TACC2: variants seen among roughly 807,000 people sequenced by gnomAD.
TACC2 encodes transforming acidic coiled-coil-containing protein 2.
In TACC2, 137 loss-of-function variants were observed where a neutral mutation model predicts 227.3. That is an observed-to-expected ratio of 0.60 (90% CI 0.52 to 0.69). TACC2 has a LOEUF of 0.69. Ranked by LOEUF, TACC2 falls within the 30% of genes least tolerant of loss-of-function variation. The pLI is 0.00. For synonymous variants in TACC2, 1,523 were observed against 1,487.5 expected (o/e 1.02, Z -0.55); for missense variants, 3,470 against 3,694.4 (o/e 0.94, Z 1.57).
chr10:122,068,671 C>CTTTTTTTTT, intron 3 of TACC2, among the ~76,000 whole-genome samples: 1 of 146,762 alleles, frequency 6.8e-6, no homozygotes, highest in Non-Finnish European at 1.5e-5. Context: ...CCTCCGAAAC[C>CTTTTTTTTT]TTTTTTTTTT....
Position 122,195,193 on chromosome 10 carries a change from A to G in TACC2, c.5971+17A>G. On this transcript the variant is annotated intron_variant, in intron 8 of 22. Coordinates refer to ENST00000369005, the MANE Select transcript of TACC2 (RefSeq NM_206862.4). ...AAGAACCAGGTAACCAAGGGCAGGG[A>G]GGCCCCCAGACAGCCCTGTAGAGTT... 1 of 1,560,908 alleles carries G rather than the reference A, an allele frequency of 6.4e-7. No individual in the cohort carries two copies. The highest frequency in any genetic ancestry group is 1.7e-5 in the Admixed American group (1 of 58,036).
intron 14 of TACC2, among the ~76,000 whole-genome samples, chr10:122,228,393 T>G (rs2095668917): frequency 6.6e-6 from 1 of 152,140 alleles, no homozygotes. Context: ...TGGGACTTAG[T>G]GATGGGAATT....
chr10:122,101,846 A>G (rs1184043839), intron 5 of TACC2, among the ~76,000 whole-genome samples: 1 of 147,458 alleles, frequency 6.8e-6, no homozygotes, highest in African/African-American at 2.5e-5. Flanking sequence ...TGCTGGGATT[A>G]CAGGCGTGAG....
At chr10:122,049,825 G>C (rs889253632) in intron 2 of TACC2, among the ~76,000 whole-genome samples, 1 of 151,556 alleles carries the variant, frequency 6.6e-6, no homozygotes, top group African/African-American at 2.4e-5. Flanking sequence ...AAATCAACTA[G>C]TCTGTAGGAA....
chr10:122,062,984 A>C (rs923386752), intron 3 of TACC2, among the ~76,000 whole-genome samples: 1 of 152,178 alleles, frequency 6.6e-6, no homozygotes, highest in Non-Finnish European at 1.5e-5. Context: ...GTTCTAGGTC[A>C]CACAGACAGA....
chr10:122,031,925 C>G (rs1358886994), intron 2 of TACC2, among the ~76,000 whole-genome samples: 1 of 151,278 alleles, frequency 6.6e-6, no homozygotes, highest in Non-Finnish European at 1.5e-5. Context: ...CCAAGCTGGT[C>G]TTGAATTCCT....
At chr10:122,026,379 G>A (rs1958025248) in intron 2 of TACC2, among the ~76,000 whole-genome samples, 1 of 145,518 alleles carries the variant, frequency 6.9e-6, no homozygotes, top group Admixed American at 6.8e-5. Flanking sequence ...TTTGCTCTTA[G>A]GGGTGCTGCT....
At chr10:122,000,482 C>T (rs1337102081) in intron 1 of TACC2, among the ~76,000 whole-genome samples, 2 of 152,190 alleles carry the variant, frequency 1.3e-5, no homozygotes, top group Non-Finnish European at 2.9e-5. Flanking sequence ...GACCTGATTC[C>T]AAAGCCCACC....
At chr10:122,167,174 G>A (rs2139964203) in intron 7 of TACC2, among the ~76,000 whole-genome samples, 1 of 152,358 alleles carries the variant, frequency 6.6e-6, no homozygotes, top group East Asian at 1.9e-4. Context: ...AAGTCGGCCT[G>A]CCCCGACTGT....
At chr10:122,169,892 G>A (rs1347936587) in intron 7 of TACC2, among the ~76,000 whole-genome samples, 6 of 150,072 alleles carry the variant, frequency 4.0e-5, no homozygotes, top group Non-Finnish European at 8.9e-5. Context: ...CTGGGAATAC[G>A]GGTGCACGCC....
At chr10:122,134,503 G>A (rs1285788957) in intron 6 of TACC2, among the ~76,000 whole-genome samples, 2 of 152,172 alleles carry the variant, frequency 1.3e-5, no homozygotes, top group African/African-American at 2.4e-5. Context: ...TTTTACTTTT[G>A]TGTGACTTTA....
intron 5 of TACC2, among the ~76,000 whole-genome samples, chr10:122,128,013 T>C (rs76012065): frequency 0.038 from 5,804 of 152,288 alleles, 202 homozygotes; most frequent in East Asian, 0.17. Flanking sequence ...TTTCTTAGCC[T>C]GTAGCCTGTT....
intron 2 of TACC2, among the ~76,000 whole-genome samples, chr10:122,043,715 G>A (rs1331128520): frequency 4.6e-5 from 7 of 152,072 alleles, no homozygotes; most frequent in Admixed American, 4.6e-4. Context: ...GAGTAGCTGG[G>A]ACTACAGGTG....
intron 7 of TACC2, among the ~76,000 whole-genome samples, chr10:122,147,052 A>C (rs2091462780): frequency 6.6e-6 from 1 of 152,120 alleles, no homozygotes. Flanking sequence ...ATCACATCCT[A>C]TCAAGGGTAC....
At chr10:122,147,458 T>A (rs1156597636) in intron 7 of TACC2, among the ~76,000 whole-genome samples, 1 of 152,260 alleles carries the variant, frequency 6.6e-6, no homozygotes, top group East Asian at 1.9e-4. Context: ...TTCCTTTTTT[T>A]CCCCCATTTC....
chr10:122,170,050 C>G (rs2093389053), intron 7 of TACC2, among the ~76,000 whole-genome samples: 1 of 151,948 alleles, frequency 6.6e-6, no homozygotes, highest in African/African-American at 2.4e-5. Context: ...TGTGCCCAGC[C>G]TTAATTCAAT....
Position 122,078,195 on chromosome 10 carries a change from C to CAA in TACC2, c.147-4424_147-4423dup, listed in dbSNP as rs1175837364. Among the ~76,000 whole-genome samples, 52 of 37,660 alleles carry CAA rather than the reference C, an allele frequency of 1.4e-3. 1 individual carries two copies. Among genetic ancestry groups the CAA allele is most frequent in the African/African-American group, 4.2e-3 (39 of 9,258 alleles). The allele number at this position is 37,660 out of a possible 152,430, so 24.7% of individuals were successfully genotyped here. ...GGGCGACAGAGCGAGACTCCATCTC[C>CAA]AAAAAAAAAAAAAAAAAAAAAAAAA... On this transcript the variant is annotated intron_variant, in intron 3 of 22. Transcript: ENST00000369005.
chr10:122,213,360 G>T (rs565690794), intron 9 of TACC2: 2 of 1,612,108 alleles, frequency 1.2e-6, no homozygotes, highest in Non-Finnish European at 8.5e-7. Context: ...AAGATGTGAT[G>T]TCTGTGTGTT....
At chr10:122,233,772 G>C (rs1221878267) in intron 16 of TACC2, among the ~76,000 whole-genome samples, 1 of 152,166 alleles carries the variant, frequency 6.6e-6, no homozygotes, top group Non-Finnish European at 1.5e-5. Context: ...GTCATTGGCT[G>C]GAGGCTGTGT....
Sources: gnomAD v4.1 joint callset for allele counts (sites outside exome capture counted in the v4.1 genomes callset) on GRCh38, gnomAD v4.1.1 for gene constraint, MANE v1.5 for transcripts, NCBI Gene and HGNC (gene_info 2026-07-23, HGNC 2026-07-21) for gene names.